The following AP3S1 variants were observed in gnomAD, a reference collection of about 807,000 sequenced individuals.
AP3S1 encodes AP-3 complex subunit sigma-1.
Under a neutral mutation model 21.3 loss-of-function variants are expected in AP3S1, and 12 were observed. The ratio of observed to expected loss-of-function variants is 0.56; its 90% confidence interval spans 0.36 to 0.91. The LOEUF (loss-of-function observed/expected upper bound fraction) is 0.91, where lower values mean the gene tolerates loss of function less well. Ranked by LOEUF, AP3S1 falls within the 40% of genes least tolerant of loss-of-function variation. AP3S1 has a pLI of 0.01. For missense variants in AP3S1, 116 were observed against 225.0 expected (o/e 0.52, Z 3.10); for synonymous variants, 48 against 78.4 (o/e 0.61, Z 2.05).
chr5:115,893,044 G>C (rs1215472587), intron 3 of AP3S1, among the ~76,000 whole-genome samples: 1 of 152,216 alleles, frequency 6.6e-6, no homozygotes, highest in Non-Finnish European at 1.5e-5. Flanking sequence ...GTGAGGTCAA[G>C]TGTTTTGAGT....
Position 115,912,688 on chromosome 5 carries a change from T to C in AP3S1, c.454-674T>C, listed in dbSNP as rs371930207. 2.6e-5 allele frequency among the ~76,000 whole-genome samples: 4 copies of C among 152,202 alleles called. No homozygotes were observed. The East Asian group carries it at 7.7e-4, about 29-fold the overall frequency. ...TATATGACAAAACATTTTTAATCGT[T>C]ATATTTTTACTAATGCATCAAAGGG... On this transcript the variant is annotated intron_variant, in intron 5 of 5. Coordinates refer to ENST00000316788, the MANE Select transcript of AP3S1 (RefSeq NM_001284.4).
chr5:115,887,675 A>C (rs1749920982), intron 3 of AP3S1, among the ~76,000 whole-genome samples: 1 of 152,136 alleles, frequency 6.6e-6, no homozygotes. Context: ...TCTATGATAT[A>C]GTTACCATTA....
chr5:115,890,111 C>T, intron 3 of AP3S1, among the ~76,000 whole-genome samples: 1 of 152,242 alleles, frequency 6.6e-6, no homozygotes, highest in Admixed American at 6.5e-5. Context: ...AAAGCTTAAC[C>T]TACACGACTC....
rs148711733 is a variant in AP3S1 at position 115,880,730 on chromosome 5, G to A, written c.273+10602G>A. Among the ~76,000 whole-genome samples, 675 of 152,300 alleles carry A rather than the reference G, an allele frequency of 4.4e-3. 8 individuals carry two copies. Among genetic ancestry groups the A allele is most frequent in the African/African-American group, 0.016 (652 of 41,554 alleles). ...GTCTATTAGGTCCACTTGGTCCACA[G>A]CTGAGTTGAAGTTCCGAATATCCTT... is the stretch of plus-strand genomic sequence containing the variant. On this transcript the variant is annotated intron_variant, in intron 3 of 5. Transcript: ENST00000316788.
chr5:115,845,726 C>T (rs773247709), intron 1 of AP3S1, among the ~76,000 whole-genome samples: 71 of 151,404 alleles, frequency 4.7e-4, no homozygotes, highest in African/African-American at 9.0e-4. Context: ...TGCAGCTACT[C>T]GCTCGAGGCT....
chr5:115,887,008 A>G (rs563393964), intron 3 of AP3S1, among the ~76,000 whole-genome samples: 1 of 152,338 alleles, frequency 6.6e-6, no homozygotes, highest in East Asian at 1.9e-4. Flanking sequence ...ATGCAGTCAT[A>G]TATTGAGTCA....
chr5:115,901,979 A>G (rs1225713182), intron 4 of AP3S1, among the ~76,000 whole-genome samples: 1 of 152,242 alleles, frequency 6.6e-6, no homozygotes, highest in East Asian at 1.9e-4. Flanking sequence ...GCACTTACAT[A>G]AATTATTTAT....
chr5:115,902,053 T>G (rs1751263504), intron 4 of AP3S1, among the ~76,000 whole-genome samples: 2 of 152,176 alleles, frequency 1.3e-5, no homozygotes, highest in Admixed American at 1.3e-4. Context: ...GTAAATAAGG[T>G]AACAGACTCA....
chr5:115,905,999 T>C (rs1454127791), intron 5 of AP3S1, among the ~76,000 whole-genome samples: 25 of 152,012 alleles, frequency 1.6e-4, no homozygotes, highest in Non-Finnish European at 4.4e-5. Context: ...CTACTAAAAA[T>C]ACAAAAAAAT....
rs540824236 is a variant in AP3S1, at chr5:115,902,968, A to G, written c.429A>G (p.Ala143=). Residue 143 remains alanine (A), a synonymous_variant, in exon 5 of 6, where the codon GCA becomes GCG. Coordinates refer to ENST00000316788, the MANE Select transcript of AP3S1 (RefSeq NM_001284.4). ...ATGAGATTGTTACACAAATTGATGCACAAAATAAGCTGGAAAAATCTGAGG... is the reference window on the plus strand; with the variant it reads ...ATGAGATTGTTACACAAATTGATGCGCAAAATAAGCTGGAAAAATCTGAGG... The part of the protein sequence containing the change: ...NMNEIVTQID[A]QNKLEKSEAG... 9.7e-5 allele frequency: 157 copies of G among 1,613,914 alleles called. No individual in the cohort carries two copies. The South Asian group carries it at 1.6e-3, about 17-fold the overall frequency.
intron 3 of AP3S1, among the ~76,000 whole-genome samples, chr5:115,892,672 G>C (rs1232302887): frequency 2.6e-5 from 4 of 152,090 alleles, no homozygotes; most frequent in Admixed American, 2.6e-4. Flanking sequence ...GTAGTGGAGG[G>C]TTGGAGAAAG....
rs190081296 is a variant in AP3S1, at chr5:115,847,112, A to G, written c.69+5006A>G. Among the ~76,000 whole-genome samples, 650 of 152,318 alleles carry G rather than the reference A, an allele frequency of 4.3e-3. 7 individuals carry two copies. The highest frequency in any genetic ancestry group is 0.015 in the African/African-American group (628 of 41,572). On this transcript the variant is annotated intron_variant, in intron 1 of 5. Coordinates refer to ENST00000316788, the MANE Select transcript of AP3S1 (RefSeq NM_001284.4). Reference sequence around the variant, plus strand: ...GAAAGAGACAACCATCTGTTTCTGCAGTCCTGGACTGTGTCTTTCCCTTCA... The same window carrying G: ...GAAAGAGACAACCATCTGTTTCTGCGGTCCTGGACTGTGTCTTTCCCTTCA...
chr5:115,906,742 A>C, intron 5 of AP3S1: 1 of 1,109,054 alleles, frequency 9.0e-7, no homozygotes, highest in Non-Finnish European at 1.2e-6. Context: ...GAATTTAGTC[A>C]CTACTTTTTG....
At chr5:115,870,414 C>T (rs540098609) in intron 3 of AP3S1, among the ~76,000 whole-genome samples, 37 of 152,186 alleles carry the variant, frequency 2.4e-4, no homozygotes, top group African/African-American at 8.9e-4. Flanking sequence ...CAAAACTAAC[C>T]CTAAACCCTA....
At position 115,868,936 on chromosome 5, in the gene AP3S1, GGGAA is replaced by G. The variant is rs1156271663; in HGVS notation, c.162-1066_162-1063del. 6.4e-3 allele frequency among the ~76,000 whole-genome samples: 495 copies of G among 77,798 alleles called. 15 individuals are homozygous for G. Among genetic ancestry groups the G allele is most frequent in the African/African-American group, 0.018 (360 of 19,566 alleles). The allele number at this position is 77,798 out of a possible 152,430, so 51.0% of individuals were successfully genotyped here. The stretch of plus-strand genomic sequence containing the variant: ...AAGAGAGGATGAAGGGAGGGAGGGA[GGGAA>G]GGAAGGAAGGAAGGGAGGGAGGGAG... On this transcript the variant is annotated intron_variant, in intron 2 of 5. Transcript: ENST00000316788.
intron 1 of AP3S1, among the ~76,000 whole-genome samples, chr5:115,857,455 A>G (rs532151841): frequency 3.9e-5 from 6 of 152,356 alleles, no homozygotes; most frequent in African/African-American, 1.4e-4. Flanking sequence ...AAAGTCACAG[A>G]GTTAACAAAG....
intron 4 of AP3S1, among the ~76,000 whole-genome samples, chr5:115,897,333 G>T (rs908287895): frequency 1.3e-5 from 2 of 152,076 alleles, no homozygotes; most frequent in African/African-American, 4.8e-5. Context: ...TCTGGGCTAA[G>T]ATCTTGTTTT....
At chr5:115,861,586 G>T (rs950253320) in intron 1 of AP3S1, among the ~76,000 whole-genome samples, 2 of 152,010 alleles carry the variant, frequency 1.3e-5, no homozygotes, top group East Asian at 1.9e-4. Flanking sequence ...GCAGGGTCTT[G>T]CTCTGTCATC....
intron 1 of AP3S1, among the ~76,000 whole-genome samples, chr5:115,850,945 T>A (rs140653818): frequency 6.6e-6 from 1 of 152,298 alleles, no homozygotes; most frequent in Non-Finnish European, 1.5e-5. Context: ...TGTCAGGAAT[T>A]CTCACTAGTT....
Sources: gnomAD v4.1 joint callset for allele counts (sites outside exome capture counted in the v4.1 genomes callset) on GRCh38, gnomAD v4.1.1 for gene constraint, MANE v1.5 for transcripts, NCBI Gene and HGNC (gene_info 2026-07-23, HGNC 2026-07-21) for gene names.